CFTR: variants seen among roughly 807,000 people sequenced by gnomAD.
CFTR encodes the protein CF transmembrane conductance regulator, also known as cystic fibrosis transmembrane conductance regulator.
A neutral mutation model predicts 171.6 loss-of-function variants in CFTR; 181 were observed. That is an observed-to-expected ratio of 1.05 (90% CI 0.93 to 1.19). CFTR has a LOEUF of 1.19. Ranked by LOEUF, CFTR falls within the 50% of genes most tolerant of loss-of-function variation. The pLI, the probability that CFTR is intolerant of heterozygous loss-of-function variation, is 0.00. For missense variants in CFTR, 1,968 were observed against 1,734.7 expected, an observed-to-expected ratio of 1.13 and a Z score of -2.39; for synonymous variants, 583 against 608.0, an observed-to-expected ratio of 0.96 and a Z score of 0.60.
In CFTR at chr7:117,603,525, T is replaced by C; in HGVS notation, c.2658-7T>C. 1.2e-6 allele frequency: 2 copies of C among 1,613,884 alleles called. No individual in the cohort carries two copies. The highest frequency in any genetic ancestry group is 1.7e-6 in the Non-Finnish European group (2 of 1,179,872). Reference sequence around the variant, plus strand: ...TGCCAAATAACGATTTCCTATTTGCTTTACAGCACTCCTCTTCAAGACAAA... The same window carrying C: ...TGCCAAATAACGATTTCCTATTTGCCTTACAGCACTCCTCTTCAAGACAAA... On this transcript the variant is annotated splice_region_variant and splice_polypyrimidine_tract_variant and intron_variant, in intron 16 of 26. Coordinates refer to ENST00000003084, the MANE Select transcript of CFTR (RefSeq NM_000492.4).
chr7:117,631,984 C>T (rs148241505), intron 22 of CFTR, among the ~76,000 whole-genome samples: 247 of 152,204 alleles, frequency 1.6e-3, no homozygotes, highest in South Asian at 0.013. Context: ...TGCTTGGTGT[C>T]GAAAACCCAC....
intron 23 of CFTR, among the ~76,000 whole-genome samples, chr7:117,650,634 G>A (rs1793075179): frequency 6.6e-6 from 1 of 151,822 alleles, no homozygotes. Flanking sequence ...GTTTCAAATT[G>A]TGTGCTTCCA....
At chr7:117,640,636 A>G (rs1409213334) in intron 22 of CFTR, among the ~76,000 whole-genome samples, 2 of 152,138 alleles carry the variant, frequency 1.3e-5, no homozygotes, top group Non-Finnish European at 2.9e-5. Flanking sequence ...GGCATATTCA[A>G]GTTGCTTATA....
intron 12 of CFTR, among the ~76,000 whole-genome samples, chr7:117,588,932 G>A (rs897712348): frequency 1.3e-5 from 2 of 152,056 alleles, no homozygotes; most frequent in African/African-American, 4.8e-5. Flanking sequence ...CTAAATAAAT[G>A]GAAGTTGATT....
intron 3 of CFTR, among the ~76,000 whole-genome samples, chr7:117,529,861 A>T (rs1200695600): frequency 6.6e-6 from 1 of 152,172 alleles, no homozygotes; most frequent in Admixed American, 6.5e-5. Context: ...TATATTTTAA[A>T]TGGAACCAAT....
intron 1 of CFTR, among the ~76,000 whole-genome samples, chr7:117,481,214 C>T (rs1419516991): frequency 1.3e-5 from 2 of 152,180 alleles, no homozygotes; most frequent in African/African-American, 4.8e-5. Context: ...AGGAGAGCTC[C>T]TCCCTGTGGA....
In CFTR at chr7:117,610,484, G is replaced by A. The variant is rs762181371; in HGVS notation, c.2989-35G>A. On this transcript the variant is annotated intron_variant, in intron 18 of 26. Transcript: ENST00000003084. ...TTTGTCCACTTTGCAATGTGAAAATGTTTACTCACCAACATGTTTTCTTTG... is the reference window on the plus strand; with the variant it reads ...TTTGTCCACTTTGCAATGTGAAAATATTTACTCACCAACATGTTTTCTTTG... 5.1e-6 allele frequency: 8 copies of A among 1,579,176 alleles called. No homozygotes were observed. In the East Asian group the frequency reaches 6.8e-5, roughly 13 times the overall value.
rs121908766 is a variant in CFTR, at chr7:117,627,765, C to A, written c.3712C>A (p.Gln1238Lys). ...ENISFSISPG[Q>K]RVGLLGRTGS... Reference sequence around the variant, plus strand: ...CATTTCCTTCTCAATAAGTCCTGGCCAGAGGGTGAGATTTGAACACTGCTT... The same window carrying A: ...CATTTCCTTCTCAATAAGTCCTGGCAAGAGGGTGAGATTTGAACACTGCTT... The change falls in exon 22 of 27, where the codon CAG becomes AAG. Residue 1238 changes from glutamine (Q) to lysine (K), a missense_variant. Gln to Lys is a moderately conservative substitution (Grantham distance 53). Coordinates refer to ENST00000003084, the MANE Select transcript of CFTR (RefSeq NM_000492.4). 2 of 1,610,742 alleles carry A rather than the reference C, an allele frequency of 1.2e-6. No homozygotes were observed. The highest frequency in any genetic ancestry group is 1.7e-6 in the Non-Finnish European group (2 of 1,179,296).
At chr7:117,574,048 AT>A (rs969601327) in intron 11 of CFTR, among the ~76,000 whole-genome samples, 1 of 151,928 alleles carries the variant, frequency 6.6e-6, no homozygotes, top group Non-Finnish European at 1.5e-5. Flanking sequence ...AGTGGAATTA[AT>A]TTTTTTTAGA....
chr7:117,503,695 T>A (rs995259307), intron 1 of CFTR, among the ~76,000 whole-genome samples: 4 of 152,194 alleles, frequency 2.6e-5, no homozygotes, highest in African/African-American at 9.7e-5. Flanking sequence ...CCTCAGGTAA[T>A]GATTCAGACA....
At chr7:117,496,360 A>G (rs1201101745) in intron 1 of CFTR, among the ~76,000 whole-genome samples, 1 of 151,978 alleles carries the variant, frequency 6.6e-6, no homozygotes, top group Admixed American at 6.6e-5. Context: ...CTTGCACCAC[A>G]TGACTGTCTA....
intron 20 of CFTR, 120 bp from the exon 21 acceptor site, chr7:117,614,493 T>G (rs1326479552): frequency 1.4e-6 from 1 of 738,546 alleles, no homozygotes; most frequent in Non-Finnish European, 2.5e-6. Context: ...ATTGTTAAAA[T>G]TAGCATAAAA....
intron 11 of CFTR, among the ~76,000 whole-genome samples, chr7:117,581,572 A>C (rs1791850440): frequency 6.6e-6 from 1 of 152,200 alleles, no homozygotes. Flanking sequence ...TCAAATTTTT[A>C]CAACTGTTAA....
intron 20 of CFTR, among the ~76,000 whole-genome samples, chr7:117,612,128 C>A (rs34047738): frequency 7.3e-6 from 1 of 137,144 alleles, no homozygotes; most frequent in Non-Finnish European, 1.6e-5. Flanking sequence ...GATAGCAATT[C>A]TGTGATTGAA....
chr7:117,536,514 AGATT>A lies in CFTR; in HGVS notation c.744-9_744-6del, dbSNP rs1805171. 0.21 allele frequency: 328,230 copies of A among 1,535,716 alleles called. 38,096 individuals are homozygous for A. Among genetic ancestry groups the A allele is most frequent in the East Asian group, 0.4 (16,840 of 41,818 alleles). ...GATAATTTGACTTGTTTTTACTATT[AGATT>A]GATTGATTGATTGATTGATTGATTT... On this transcript the variant is annotated intron_variant, in intron 6 of 26. Coordinates refer to ENST00000003084, the MANE Select transcript of CFTR (RefSeq NM_000492.4).
chr7:117,534,129 T>C, intron 4 of CFTR, 147 bp from the exon 5 acceptor site: 1 of 587,178 alleles, frequency 1.7e-6, no homozygotes, highest in Non-Finnish European at 3.0e-6. Flanking sequence ...CCTGAGAAGA[T>C]AGTAAGCTAG....
At chr7:117,603,960 C>T (rs1423338981) in intron 17 of CFTR, among the ~76,000 whole-genome samples, 178 bp downstream of exon 17, 1 of 152,124 alleles carries the variant, frequency 6.6e-6, no homozygotes, top group Non-Finnish European at 1.5e-5. Flanking sequence ...TATTGTTGCT[C>T]CTAATATTTC....
chr7:117,500,278 C>A (rs189800017), intron 1 of CFTR, among the ~76,000 whole-genome samples: 364 of 76,614 alleles, frequency 4.8e-3, no homozygotes, highest in Non-Finnish European at 7.4e-3. Flanking sequence ...TTCTTCCTTT[C>A]TTTTTTTTTT....
chr7:117,631,136 C>A (rs1185882456), intron 22 of CFTR, among the ~76,000 whole-genome samples: 1 of 152,090 alleles, frequency 6.6e-6, no homozygotes, highest in African/African-American at 2.4e-5. Context: ...CTGTGCCCAA[C>A]CTCCAATTTT....
Sources: gnomAD v4.1 joint callset for allele counts (sites outside exome capture counted in the v4.1 genomes callset) on GRCh38, gnomAD v4.1.1 for gene constraint, MANE v1.5 for transcripts, NCBI Gene and HGNC (gene_info 2026-07-23, HGNC 2026-07-21) for gene names.